QKI: variants seen among roughly 807,000 people sequenced by gnomAD.
QKI encodes KH domain-containing RNA-binding protein QKI.
Under a neutral mutation model 39.0 loss-of-function variants are expected in QKI, and 10 were observed. That is an observed-to-expected ratio of 0.26 (90% confidence interval 0.16 to 0.43). QKI has a LOEUF of 0.43. Ranked by LOEUF, QKI falls within the 20% of genes least tolerant of loss-of-function variation. The pLI is 1.00. For missense variants in QKI, 218 were observed against 428.0 expected (o/e 0.51, Z 4.33); for synonymous variants, 204 against 155.4 (o/e 1.31, Z -2.33).
chr6:163,475,292 T>C (rs991978753), intron 2 of QKI, among the ~76,000 whole-genome samples: 11 of 152,192 alleles, frequency 7.2e-5, no homozygotes, highest in Admixed American at 1.3e-4. Flanking sequence ...TCAAAACTTT[T>C]AGGGGAAATA....
chr6:163,443,421 T>C (rs148643087), intron 1 of QKI, among the ~76,000 whole-genome samples: 3,827 of 152,272 alleles, frequency 0.025, 155 homozygotes, highest in African/African-American at 0.087. Context: ...ATACAAAAAT[T>C]AGTCGGTGTG....
intron 2 of QKI, among the ~76,000 whole-genome samples, chr6:163,468,035 A>G (rs1479624182): frequency 1.3e-5 from 2 of 152,060 alleles, no homozygotes; most frequent in African/African-American, 2.4e-5. Context: ...TATAGACACA[A>G]CTCTTCTCTC....
At chr6:163,458,750 A>G (rs1249370574) in intron 2 of QKI, among the ~76,000 whole-genome samples, 2 of 152,192 alleles carry the variant, frequency 1.3e-5, no homozygotes, top group Non-Finnish European at 2.9e-5. Context: ...AGAGGCTAAT[A>G]TGAATAGGCC....
intron 1 of QKI, chr6:163,416,620 A>G (rs1787526202): frequency 6.6e-6 from 1 of 152,388 alleles, no homozygotes; most frequent in South Asian, 2.1e-4. Context: ...AAATGTTTCC[A>G]TGATAAAAAA....
At chr6:163,534,855 G>T in intron 3 of QKI, 127 bp from the exon 4 acceptor site, 2 of 747,334 alleles carry the variant, frequency 2.7e-6, no homozygotes, top group African/African-American at 1.8e-5. Flanking sequence ...ATAATTCAAA[G>T]ACTTGTGCCA....
At chr6:163,470,707 A>G (rs1233081969) in intron 2 of QKI, among the ~76,000 whole-genome samples, 3 of 152,194 alleles carry the variant, frequency 2.0e-5, no homozygotes, top group Non-Finnish European at 4.4e-5. Flanking sequence ...AATGGAAGCT[A>G]TAAAAGAAAA....
intron 7 of QKI, chr6:163,569,903 GC>G (rs1783605003): frequency 3.0e-6 from 3 of 986,994 alleles, no homozygotes; most frequent in South Asian, 9.4e-5. Flanking sequence ...ATTTTAAATG[GC>G]AGGATTTTAC....
intron 3 of QKI, among the ~76,000 whole-genome samples, chr6:163,529,845 C>G (rs140441996): frequency 6.6e-6 from 1 of 152,180 alleles, no homozygotes; most frequent in Admixed American, 6.5e-5. Flanking sequence ...AAAATTCATT[C>G]AGGATGAGTA....
At chr6:163,546,072 A>T (rs2128244818) in intron 4 of QKI, among the ~76,000 whole-genome samples, 1 of 148,594 alleles carries the variant, frequency 6.7e-6, no homozygotes, top group South Asian at 2.1e-4. Flanking sequence ...TGTCCCATAA[A>T]CTTCTCATTG....
At chr6:163,499,067 C>T (rs553006626) in intron 3 of QKI, among the ~76,000 whole-genome samples, 4 of 152,164 alleles carry the variant, frequency 2.6e-5, no homozygotes, top group South Asian at 4.1e-4. Context: ...GCAAGGGTGT[C>T]GACACAGGTA....
At chr6:163,549,948 A>G (rs1191391970) in intron 4 of QKI, among the ~76,000 whole-genome samples, 10 of 152,172 alleles carry the variant, frequency 6.6e-5, no homozygotes, top group African/African-American at 1.4e-4. Context: ...CCAGGAACCT[A>G]ATTGTATACT....
rs562987581 is a variant in QKI at position 163,478,127 on chromosome 6, G to T, written c.286-653G>T. 2.6e-5 allele frequency among the ~76,000 whole-genome samples: 4 copies of T among 152,100 alleles called. No individual in the cohort carries two copies. The South Asian group carries it at 6.2e-4, about 24-fold the overall frequency. ...TATTAGGAATTTCTGTTGAGGGATGGTAATTTTTTATTTTTTTATTGTACA... is the reference window on the plus strand; with the variant it reads ...TATTAGGAATTTCTGTTGAGGGATGTTAATTTTTTATTTTTTTATTGTACA... On this transcript the variant is annotated intron_variant, in intron 2 of 7. Transcript: ENST00000361752.
At chr6:163,569,800 AAAG>A in intron 7 of QKI, 2 of 985,052 alleles carry the variant, frequency 2.0e-6, no homozygotes, top group Non-Finnish European at 1.2e-6. Flanking sequence ...GAAATTGAAT[AAAG>A]AAAGCTGTTT....
intron 4 of QKI, among the ~76,000 whole-genome samples, chr6:163,558,953 A>G (rs944023927): frequency 1.3e-5 from 2 of 152,152 alleles, no homozygotes; most frequent in African/African-American, 4.8e-5. Flanking sequence ...ATCTCCTCCT[A>G]TGCCACTCTT....
chr6:163,415,077 C>A lies in QKI; in HGVS notation c.-117C>A. 2.1e-6 allele frequency: 2 copies of A among 956,630 alleles called. No homozygotes were observed. Among genetic ancestry groups the A allele is most frequent in the Non-Finnish European group, 2.5e-6 (2 of 803,424 alleles). The allele number at this position is 956,630 out of a possible 1,614,324, so 59.3% of individuals were successfully genotyped here. A position where few individuals can be genotyped will look rare whatever the true frequency, so the allele number is the denominator to read the frequency against. ...GCGCGGGAGCCAGAGCGGGAGCCGG[C>A]GCGGAGCGGGACGCCGGGTCCCGAG... On this transcript the variant is annotated 5_prime_UTR_variant, in exon 1 of 8. Coordinates refer to ENST00000361752, the MANE Select transcript of QKI (RefSeq NM_006775.3).
intron 4 of QKI, among the ~76,000 whole-genome samples, chr6:163,544,153 C>G (rs1224034479): frequency 6.6e-6 from 1 of 152,014 alleles, no homozygotes; most frequent in Non-Finnish European, 1.5e-5. Context: ...TGAGGAAATT[C>G]CACAGAGTTT....
intron 3 of QKI, among the ~76,000 whole-genome samples, chr6:163,514,183 C>CT (rs1256106309): frequency 3.3e-5 from 5 of 152,132 alleles, no homozygotes; most frequent in African/African-American, 2.4e-5. Flanking sequence ...TGCTGCCTAG[C>CT]TTATGGCATT....
chr6:163,522,772 C>CATAA (rs1395709930), intron 3 of QKI, among the ~76,000 whole-genome samples: 5 of 152,152 alleles, frequency 3.3e-5, no homozygotes, highest in Admixed American at 3.3e-4. Flanking sequence ...TGAACATCGT[C>CATAA]ATAAACTAGG....
intron 1 of QKI, among the ~76,000 whole-genome samples, chr6:163,437,242 A>G (rs1473113881): frequency 6.6e-6 from 1 of 152,254 alleles, no homozygotes; most frequent in African/African-American, 2.4e-5. Context: ...ACACGAAGCT[A>G]GAATAAGGTA....
Sources: gnomAD v4.1 joint callset for allele counts (sites outside exome capture counted in the v4.1 genomes callset) on GRCh38, gnomAD v4.1.1 for gene constraint, MANE v1.5 for transcripts, NCBI Gene and HGNC (gene_info 2026-07-23, HGNC 2026-07-21) for gene names.